The following ENOX1 variants were observed in gnomAD, a reference collection of about 807,000 sequenced individuals.
ENOX1 encodes ecto-NOX disulfide-thiol exchanger 1.
In ENOX1, 42 loss-of-function variants were observed where a neutral mutation model predicts 82.5. The ratio of observed to expected loss-of-function variants is 0.51; its 90% CI spans 0.40 to 0.66. The LOEUF (loss-of-function observed/expected upper bound fraction) is 0.66. ENOX1 is among the 30% of genes least tolerant of loss of function. ENOX1 has a pLI of 0.00. For synonymous variants in ENOX1, 271 were observed against 282.2 expected (o/e 0.96, Z 0.40); for missense variants, 608 against 811.6 (o/e 0.75, Z 3.05).
intron 11 of ENOX1, among the ~76,000 whole-genome samples, chr13:43,300,166 CATTTACTTCAT>C (rs1269042467): frequency 4.6e-5 from 7 of 152,094 alleles, no homozygotes; most frequent in African/African-American, 1.2e-4. Flanking sequence ...ACTTAACACG[CATTTACTTCAT>C]ATTTACTGTG....
At chr13:43,622,423 TTG>T (rs2082776671) in intron 2 of ENOX1, among the ~76,000 whole-genome samples, 1 of 152,192 alleles carries the variant, frequency 6.6e-6, no homozygotes, top group Admixed American at 6.5e-5. Flanking sequence ...TCAGATTCTT[TTG>T]TCTCATGTGG....
At chr13:43,278,860 T>C (rs2045216514) in intron 12 of ENOX1, among the ~76,000 whole-genome samples, 1 of 152,240 alleles carries the variant, frequency 6.6e-6, no homozygotes, top group Non-Finnish European at 1.5e-5. Context: ...GGCATAAATA[T>C]ACATGAAGTT....
At chr13:43,322,919 C>A (rs1701173025) in intron 10 of ENOX1, among the ~76,000 whole-genome samples, 1 of 152,168 alleles carries the variant, frequency 6.6e-6, no homozygotes, top group South Asian at 2.1e-4. Flanking sequence ...TACCACTGAC[C>A]CACACGGTGT....
chr13:43,615,641 G>A (rs898330526), intron 2 of ENOX1, among the ~76,000 whole-genome samples: 2 of 151,884 alleles, frequency 1.3e-5, no homozygotes, highest in African/African-American at 2.4e-5. Flanking sequence ...TGCATAGAAC[G>A]TGCAGTTTTG....
At chr13:43,715,759 C>T (rs1275524639) in intron 1 of ENOX1, among the ~76,000 whole-genome samples, 3 of 152,124 alleles carry the variant, frequency 2.0e-5, no homozygotes, top group Non-Finnish European at 4.4e-5. Context: ...TTGATCGCAT[C>T]GGCTCCTGAG....
intron 2 of ENOX1, among the ~76,000 whole-genome samples, chr13:43,617,084 G>A (rs9594982): frequency 0.31 from 47,582 of 152,064 alleles, 9,402 homozygotes; most frequent in Non-Finnish European, 0.44. Flanking sequence ...AACTGTATGA[G>A]AGAGAGATCT....
chr13:43,332,224 CAG>C (rs1006990099), intron 9 of ENOX1, among the ~76,000 whole-genome samples: 8 of 152,086 alleles, frequency 5.3e-5, no homozygotes, highest in African/African-American at 1.7e-4. Flanking sequence ...TTTCCATGGA[CAG>C]GGGGTTGGGG....
chr13:43,435,433 C>A (rs902120250), intron 3 of ENOX1, among the ~76,000 whole-genome samples: 4 of 152,172 alleles, frequency 2.6e-5, no homozygotes, highest in Non-Finnish European at 5.9e-5. Context: ...GAAGCTGGTA[C>A]CTACTAGGAT....
chr13:43,314,771 A>C (rs2153520889), intron 11 of ENOX1, among the ~76,000 whole-genome samples: 1 of 152,316 alleles, frequency 6.6e-6, no homozygotes, highest in East Asian at 1.9e-4. Context: ...ACTGGCCTAC[A>C]TATATATAGC....
chr13:43,478,053 GGT>G (rs1491220532), intron 3 of ENOX1, among the ~76,000 whole-genome samples: 9 of 128,742 alleles, frequency 7.0e-5, no homozygotes, highest in Non-Finnish European at 1.3e-4. Flanking sequence ...GAGCCAGAGA[GGT>G]TTTTTTTTTT....
chr13:43,279,760 G>A (rs2045270888), intron 12 of ENOX1, among the ~76,000 whole-genome samples: 1 of 152,212 alleles, frequency 6.6e-6, no homozygotes, highest in Admixed American at 6.5e-5. Flanking sequence ...GTCCCACGAG[G>A]TGAAGTGACA....
At chr13:43,500,755 T>C (rs1329108943) in intron 2 of ENOX1, among the ~76,000 whole-genome samples, 2 of 151,906 alleles carry the variant, frequency 1.3e-5, no homozygotes, top group Non-Finnish European at 2.9e-5. Flanking sequence ...AGATTAGTTT[T>C]AAGAATAACT....
At chr13:43,713,446 T>C (rs1261238562) in intron 1 of ENOX1, among the ~76,000 whole-genome samples, 4 of 152,052 alleles carry the variant, frequency 2.6e-5, no homozygotes, top group Non-Finnish European at 4.4e-5. Context: ...TTAGGGAGGA[T>C]TCCCTTTTTT....
chr13:43,766,117 CT>C (rs1951246933), intron 1 of ENOX1, among the ~76,000 whole-genome samples: 1 of 152,168 alleles, frequency 6.6e-6, no homozygotes, highest in Non-Finnish European at 1.5e-5. Flanking sequence ...AGATTCTACT[CT>C]GTGATATGCA....
intron 5 of ENOX1, among the ~76,000 whole-genome samples, chr13:43,372,313 T>G (rs1201465347): frequency 6.6e-6 from 1 of 152,200 alleles, no homozygotes; most frequent in Non-Finnish European, 1.5e-5. Context: ...GCACAAGGAA[T>G]GAAGGTGTGT....
chr13:43,340,571 T>C (rs1371785537), intron 9 of ENOX1, among the ~76,000 whole-genome samples: 1 of 152,250 alleles, frequency 6.6e-6, no homozygotes, highest in Admixed American at 6.5e-5. Context: ...CGTAAATTTC[T>C]GATGATTCTT....
At chr13:43,421,955 GA>G (rs933996841) in intron 3 of ENOX1, among the ~76,000 whole-genome samples, 35 of 136,842 alleles carry the variant, frequency 2.6e-4, no homozygotes, top group South Asian at 2.3e-3. Flanking sequence ...AAAAAATGAA[GA>G]AAAAAAAGGA....
rs1261273839 is a variant in ENOX1, at chr13:43,518,408, CATG to C, written c.-218-34259_-218-34257del. Among the ~76,000 whole-genome samples, 12 of 152,070 alleles carry C rather than the reference CATG, an allele frequency of 7.9e-5. No individual in the cohort carries two copies. The South Asian group carries it at 2.5e-3, about 32-fold the overall frequency. ...CAGACACAGCACAGGTAATCAGTTCCATGATAATTCACTGTCTCTGTTCTTTTC... is the reference window on the plus strand; with the variant it reads ...CAGACACAGCACAGGTAATCAGTTCCATAATTCACTGTCTCTGTTCTTTTC... On this transcript the variant is annotated intron_variant, in intron 2 of 16. Coordinates refer to ENST00000690772, the MANE Select transcript of ENOX1 (RefSeq NM_001347969.2).
chr13:43,287,510 C>A (rs1469016364), intron 12 of ENOX1, among the ~76,000 whole-genome samples: 1 of 152,172 alleles, frequency 6.6e-6, no homozygotes, highest in African/African-American at 2.4e-5. Flanking sequence ...TCCAGACATC[C>A]TGAGTTTCCC....
Sources: gnomAD v4.1 joint callset for allele counts (sites outside exome capture counted in the v4.1 genomes callset) on GRCh38, gnomAD v4.1.1 for gene constraint, MANE v1.5 for transcripts, NCBI Gene and HGNC (gene_info 2026-07-23, HGNC 2026-07-21) for gene names.